Variants in HDAC4 observed in about 807,000 individuals in gnomAD.
HDAC4 encodes histone deacetylase 4.
A neutral mutation model predicts 135.1 loss-of-function variants in HDAC4; 16 were observed. That is an observed-to-expected ratio of 0.12 (90% CI 0.08 to 0.18). HDAC4 has a LOEUF of 0.18. HDAC4 is among the 10% of genes least tolerant of loss of function. The pLI, the probability that HDAC4 is intolerant of heterozygous loss-of-function variation, is 1.00. For synonymous variants in HDAC4, 685 were observed against 653.4 expected (o/e 1.05, Z -0.74); for missense variants, 1,143 against 1,511.8 (o/e 0.76, Z 4.05).
chr2:239,156,855 T>C (rs776080441), intron 6 of HDAC4, 82 bp from the exon 7 acceptor site: 2 of 1,555,338 alleles, frequency 1.3e-6, no homozygotes, highest in Non-Finnish European at 1.8e-6. Flanking sequence ...CCACACACGA[T>C]GATCTTTCCC....
Position 239,066,838 on chromosome 2 carries a change from T to C in HDAC4, c.2887A>G (p.Lys963Glu), listed in dbSNP as rs749424603. Reference protein sequence around the residue: ...LSARCFGYLTKQLMGLAGGRI... With the variant: ...LSARCFGYLTEQLMGLAGGRI... ...CCGCCAGCCAGGCCCATCAGCTGCT[T>C]CGTCAGGTACCCGAAGCCTGCAACG... Residue 963 changes from lysine (K) to glutamate (E), a missense_variant, in exon 24 of 27, where the codon AAG (lysine) becomes GAG (glutamate). By Grantham distance (56) the Lys-to-Glu change is moderately conservative. Transcript: ENST00000543185. The C allele has an allele frequency of 9.9e-6, 16 of 1,613,390 alleles. No homozygotes were observed. In the Admixed American group the frequency reaches 2.7e-4, roughly 27 times the overall value.
At chr2:239,264,503 C>T (rs2049592432) in intron 2 of HDAC4, among the ~76,000 whole-genome samples, 2 of 152,240 alleles carry the variant, frequency 1.3e-5, no homozygotes, top group African/African-American at 2.4e-5. Context: ...TGGCTGCCCA[C>T]GGCTCTGACA....
At chr2:239,280,883 TCCAC>T (rs138675024) in intron 2 of HDAC4, among the ~76,000 whole-genome samples, 13 of 146,570 alleles carry the variant, frequency 8.9e-5, no homozygotes, top group Non-Finnish European at 1.8e-4. Context: ...CACACCACTC[TCCAC>T]ACAATGTACA....
chr2:239,076,149 G>A (rs567848873), intron 22 of HDAC4, among the ~76,000 whole-genome samples: 2 of 151,326 alleles, frequency 1.3e-5, no homozygotes, highest in Admixed American at 6.6e-5. Context: ...GGCGGGTGCC[G>A]GGCCACTCTC....
rs574477383 is a variant in HDAC4, at chr2:239,342,706, G to A, written c.22+9972C>T. 1.4e-3 allele frequency among the ~76,000 whole-genome samples: 206 copies of A among 152,308 alleles called. 1 individual carries two copies. Among genetic ancestry groups the A allele is most frequent in the African/African-American group, 4.8e-3 (199 of 41,566 alleles). The stretch of plus-strand genomic sequence containing the variant: ...GTAGCACTGAAGGAAAGGCAGCAAG[G>A]GGACACTGGGCAGAGATGGAGGAGA... On this transcript the variant is annotated intron_variant, in intron 2 of 26. Coordinates refer to ENST00000543185, the MANE Select transcript of HDAC4 (RefSeq NM_001378414.1).
Position 239,115,346 on chromosome 2 carries a change from C to A in HDAC4, c.1534-36G>T. ...GAGGTAACACATGAAGCACAGAGAGCTGGGTCCTCTGAGCTCATCTGACAG... is the reference window on the plus strand; with the variant it reads ...GAGGTAACACATGAAGCACAGAGAGATGGGTCCTCTGAGCTCATCTGACAG... On this transcript the variant is annotated intron_variant, in intron 12 of 26. Transcript: ENST00000543185. The surrounding 1 kb of genome is among the most constrained non-coding windows in gnomAD (Gnocchi z 6.3). 1 of 1,612,104 alleles carries A rather than the reference C, an allele frequency of 6.2e-7. No individual in the cohort carries two copies.
chr2:239,334,980 G>A (rs183222121), intron 2 of HDAC4, among the ~76,000 whole-genome samples: 87 of 142,688 alleles, frequency 6.1e-4, no homozygotes, highest in African/African-American at 2.2e-3. Flanking sequence ...AGCCAAGATC[G>A]TGCCACTGCA....
rs775474817 is a variant in HDAC4, at chr2:239,126,466, T to C, written c.1523A>G (p.Gln508Arg). ...HKQQFQQQQLQMNKIIPKPSE... is the reference protein window; with the variant it reads ...HKQQFQQQQLRMNKIIPKPSE... The stretch of plus-strand genomic sequence containing the variant: ...AGCCGGCAAACCCACCTTGTTCATC[T>C]GCAGTTGCTGCTGCTGGAACTGCTG... The change falls in exon 12 of 27, where the codon CAG (glutamine) becomes CGG (arginine). Residue 508 changes from glutamine to arginine, a missense_variant. This residue lies in a region of HDAC4 where 196 missense variants were observed against 210.7 expected (regional missense o/e 0.93). Transcript: ENST00000543185. 3 of 1,613,836 alleles carry C rather than the reference T, an allele frequency of 1.9e-6. No individual in the cohort carries two copies. Among genetic ancestry groups the C allele is most frequent in the Non-Finnish European group, 2.5e-6 (3 of 1,179,968 alleles).
chr2:239,147,879 T>C (rs547453074), intron 7 of HDAC4, among the ~76,000 whole-genome samples: 1 of 152,372 alleles, frequency 6.6e-6, no homozygotes, highest in African/African-American at 2.4e-5. Context: ...TTCATCCTTC[T>C]GCCAGAAGCA....
chr2:239,073,863 C>T (rs1219529677), intron 22 of HDAC4, among the ~76,000 whole-genome samples: 2 of 152,240 alleles, frequency 1.3e-5, no homozygotes, highest in African/African-American at 4.8e-5. Context: ...GGACCCAGGG[C>T]CCTGCCCTGG....
intron 19 of HDAC4, among the ~76,000 whole-genome samples, chr2:239,086,322 G>A (rs1014225327): frequency 9.7e-5 from 13 of 134,252 alleles, no homozygotes; most frequent in Middle Eastern, 4.2e-3. Context: ...GCTCTAACAC[G>A]CGGATCTGAC....
chr2:239,252,397 G>GGCCCACGCCACCATGGACACA, intron 2 of HDAC4, among the ~76,000 whole-genome samples: 1 of 152,178 alleles, frequency 6.6e-6, no homozygotes, highest in Non-Finnish European at 1.5e-5. Context: ...CCATGGACAT[G>GGCCCACGCCACCATGGACACA]GCCCACGCCA....
Position 239,331,152 on chromosome 2 carries a change from C to T in HDAC4, c.22+21526G>A, listed in dbSNP as rs539565473. On this transcript the variant is annotated intron_variant, in intron 2 of 26. Coordinates refer to ENST00000543185, the MANE Select transcript of HDAC4 (RefSeq NM_001378414.1). The surrounding 1 kb of genome is among the most constrained non-coding windows in gnomAD (Gnocchi z 4.5). ...CCAGGAGGAAGCGGGGCTGATGGGC[C>T]ATCGGAGCAAAGCGCGGCCAGCACT... Among the ~76,000 whole-genome samples, 1 of 152,320 alleles carries T rather than the reference C, an allele frequency of 6.6e-6. No homozygotes were observed. The highest frequency in any genetic ancestry group is 2.1e-4 in the South Asian group (1 of 4,824).
chr2:239,263,246 C>T (rs2049485886), intron 2 of HDAC4, among the ~76,000 whole-genome samples: 1 of 151,290 alleles, frequency 6.6e-6, no homozygotes, highest in South Asian at 2.1e-4. Flanking sequence ...ATCAGCCATC[C>T]CGAAGCCCGC....
At chr2:239,123,746 C>T (rs989541374) in intron 12 of HDAC4, among the ~76,000 whole-genome samples, 11 of 152,158 alleles carry the variant, frequency 7.2e-5, no homozygotes, top group Admixed American at 6.5e-4. Context: ...GCAGGAGGGG[C>T]TAATGGTATC....
intron 2 of HDAC4, among the ~76,000 whole-genome samples, chr2:239,335,171 C>G (rs1575709504): frequency 6.6e-6 from 1 of 152,100 alleles, no homozygotes; most frequent in Non-Finnish European, 1.5e-5. Flanking sequence ...CAGTGTTGCA[C>G]TGGTACACAG....
chr2:239,299,131 C>G lies in HDAC4; in HGVS notation c.22+53547G>C, dbSNP rs921955124. Among the ~76,000 whole-genome samples, 1 of 152,134 alleles carries G rather than the reference C, an allele frequency of 6.6e-6. No homozygotes were observed. Among genetic ancestry groups the G allele is most frequent in the Non-Finnish European group, 1.5e-5 (1 of 68,020 alleles). ...CCGCCTGCCTTGGCCTCCCAAAGTG[C>G]TGGGATTACAGGCATAAGCTATTGC... On this transcript the variant is annotated intron_variant, in intron 2 of 26. Transcript: ENST00000543185. This position sits in a 1 kb window ranked among gnomAD's most constrained non-coding sequence, Gnocchi z 4.0.
chr2:239,175,591 C>A (rs533609645), intron 5 of HDAC4, among the ~76,000 whole-genome samples: 1 of 152,350 alleles, frequency 6.6e-6, no homozygotes, highest in South Asian at 2.1e-4. Context: ...ACAGCCCCCA[C>A]AGAAGGCAAA....
intron 4 of HDAC4, among the ~76,000 whole-genome samples, chr2:239,189,137 T>C (rs564540346): frequency 6.6e-6 from 1 of 152,368 alleles, no homozygotes; most frequent in Non-Finnish European, 1.5e-5. Context: ...ATATTTAAAA[T>C]TACTGGTGGA....
Sources: allele counts gnomAD v4.1 joint callset (sites outside exome capture counted in the v4.1 genomes callset), GRCh38; gene constraint gnomAD v4.1.1; regional missense constraint gnomAD v4.1.1; non-coding constraint Gnocchi (gnomAD v3.1); transcripts MANE v1.5; gene names NCBI Gene and HGNC (gene_info 2026-07-23, HGNC 2026-07-21).